Variants in HCFC2 observed in about 807,000 individuals in gnomAD.
HCFC2 encodes the protein host cell factor C2.
In HCFC2, 18 loss-of-function variants were observed where a neutral mutation model predicts 89.2. The observed-to-expected ratio is 0.20, with a 90% CI of 0.14 to 0.30. The LOEUF (loss-of-function observed/expected upper bound fraction) is 0.30. Among genes scored for constraint, HCFC2 ranks in the 10% least tolerant of loss-of-function variants. The probability of loss-of-function intolerance (pLI) is 1.00; values close to 1 mark genes in which losing one functional copy is unlikely to be tolerated. For missense variants in HCFC2, 578 were observed against 956.1 expected (o/e 0.60, Z 5.21); for synonymous variants, 308 against 335.7 (o/e 0.92, Z 0.90).
chr12:104,081,322 A>C (rs1883676864), intron 5 of HCFC2, among the ~76,000 whole-genome samples: 1 of 152,202 alleles, frequency 6.6e-6, no homozygotes, highest in South Asian at 2.1e-4. Context: ...ACTTTCCTTA[A>C]GTATACAATG....
In HCFC2 at chr12:104,064,969, G is replaced by A. The variant is rs750015334; in HGVS notation, c.163+246G>A. 3 of 384,942 alleles carry A rather than the reference G, an allele frequency of 7.8e-6. No homozygotes were observed. Among genetic ancestry groups the A allele is most frequent in the Non-Finnish European group, 9.2e-6 (2 of 218,486 alleles). The allele number at this position is 384,942 out of a possible 1,614,324, so 23.8% of individuals were successfully genotyped here. A position where few individuals can be genotyped will look rare whatever the true frequency, so the allele number is the denominator to read the frequency against. On this transcript the variant is annotated intron_variant, in intron 1 of 14. Coordinates refer to ENST00000229330, the MANE Select transcript of HCFC2 (RefSeq NM_013320.3). The surrounding 1 kb of genome is among the most constrained non-coding windows in gnomAD (Gnocchi z 7.3). ...CGGGGCGCACCGGCCTTCAGGCGGGGGATCCCGGACGCCCCCACCCCAGCC... is the reference window on the plus strand; with the variant it reads ...CGGGGCGCACCGGCCTTCAGGCGGGAGATCCCGGACGCCCCCACCCCAGCC...
intron 9 of HCFC2, among the ~76,000 whole-genome samples, chr12:104,089,879 T>C (rs940706468): frequency 6.6e-6 from 1 of 152,204 alleles, no homozygotes; most frequent in Non-Finnish European, 1.5e-5. Flanking sequence ...TTCTAAAAAA[T>C]TATAAAACTT....
At chr12:104,066,626 A>G (rs554138221) in intron 2 of HCFC2, among the ~76,000 whole-genome samples, 216 of 152,302 alleles carry the variant, frequency 1.4e-3, no homozygotes, top group African/African-American at 4.9e-3. Context: ...CATGTTATAT[A>G]TTTAGGTTTT....
At position 104,103,723 on chromosome 12, in the gene HCFC2, C is replaced by T. The variant is rs1185893784; in HGVS notation, c.*450C>T. 6.5e-6 allele frequency: 1 copy of T among 154,116 alleles called. No individual in the cohort carries two copies. The highest frequency in any genetic ancestry group is 2.4e-5 in the African/African-American group (1 of 41,434). 9.5% of individuals were successfully genotyped at this position (154,116 alleles called of 1,614,324 possible). A position where few individuals can be genotyped will look rare whatever the true frequency, so the allele number is the denominator to read the frequency against. ...TCTTTATTCTATATGAGCAGTGTTC[C>T]TCTAACAACTGTCTTCTATTGGATA... is the stretch of plus-strand genomic sequence containing the variant. On this transcript the variant is annotated 3_prime_UTR_variant, in exon 15 of 15. Transcript: ENST00000229330.
intron 2 of HCFC2, among the ~76,000 whole-genome samples, chr12:104,066,516 T>C (rs1207721584): frequency 6.6e-6 from 1 of 152,262 alleles, no homozygotes; most frequent in Non-Finnish European, 1.5e-5. Context: ...AGAAAATGTT[T>C]CCACTTCACT....
chr12:104,068,060 T>A lies in HCFC2; in HGVS notation c.426T>A (p.Phe142Leu). Residue 142 changes from phenylalanine to leucine, a missense_variant, in exon 3 of 15, where the codon TTT (phenylalanine) becomes TTA (leucine). Phe to Leu is a conservative substitution (Grantham distance 22, BLOSUM62 0). Transcript: ENST00000229330. The surrounding 1 kb of genome is among the most constrained non-coding windows in gnomAD (Gnocchi z 4.1). ...TATATGGTAACAAATGCTATTTGTTTGGTGGCCTGGCAAACGAAAGCGAAG... is the reference window on the plus strand; with the variant it reads ...TATATGGTAACAAATGCTATTTGTTAGGTGGCCTGGCAAACGAAAGCGAAG... The part of the protein sequence containing the change: ...FSLYGNKCYL[F>L]GGLANESEDS... 6.2e-7 allele frequency: 1 copy of A among 1,601,290 alleles called. No individual in the cohort carries two copies. Among genetic ancestry groups the A allele is most frequent in the Non-Finnish European group, 8.5e-7 (1 of 1,175,098 alleles).
In HCFC2 at chr12:104,082,494, G is replaced by T; in HGVS notation, c.768-6G>T. 1 of 1,551,686 alleles carries T rather than the reference G, an allele frequency of 6.4e-7. No individual in the cohort carries two copies. The stretch of plus-strand genomic sequence containing the variant: ...TACTTTATGTTTTTGTTTTGTTGTT[G>T]CTCAGGATGTACATTTTTGGTGGAT... On this transcript the variant is annotated splice_polypyrimidine_tract_variant and splice_region_variant and intron_variant, in intron 5 of 14. Coordinates refer to ENST00000229330, the MANE Select transcript of HCFC2 (RefSeq NM_013320.3).
chr12:104,069,248 G>T (rs1456404174), intron 3 of HCFC2, among the ~76,000 whole-genome samples: 1 of 152,200 alleles, frequency 6.6e-6, no homozygotes, highest in African/African-American at 2.4e-5. Flanking sequence ...GGAGGTTGCA[G>T]TGAGCCGAGA....
At chr12:104,066,747 A>G (rs1398338039) in intron 2 of HCFC2, among the ~76,000 whole-genome samples, 2 of 152,234 alleles carry the variant, frequency 1.3e-5, no homozygotes, top group East Asian at 3.8e-4. Context: ...GAGGAAGGCC[A>G]TGAGCATTTG....
chr12:104,089,087 G>C (rs537283096), intron 9 of HCFC2, among the ~76,000 whole-genome samples: 2 of 152,170 alleles, frequency 1.3e-5, no homozygotes, highest in Non-Finnish European at 2.9e-5. Context: ...AGTTGGCCCT[G>C]TGGAACCTGC....
At chr12:104,096,147 G>A (rs1222926044) in intron 11 of HCFC2, among the ~76,000 whole-genome samples, 1 of 152,054 alleles carries the variant, frequency 6.6e-6, no homozygotes, top group African/African-American at 2.4e-5. Context: ...GAATTGTTTT[G>A]AGTTAAAGGG....
At chr12:104,078,250 C>G (rs1883573418) in intron 3 of HCFC2, among the ~76,000 whole-genome samples, 1 of 152,230 alleles carries the variant, frequency 6.6e-6, no homozygotes, top group Non-Finnish European at 1.5e-5. Context: ...TTCCGCCCGC[C>G]TCAGCCTCCC....
intron 13 of HCFC2, 41 bp downstream of exon 13, chr12:104,098,521 T>G: frequency 1.3e-6 from 2 of 1,522,542 alleles, no homozygotes; most frequent in Non-Finnish European, 1.8e-6. Context: ...ATTATAAGCC[T>G]CAAGGATGAG....
chr12:104,070,890 C>T (rs1257453621), intron 3 of HCFC2, among the ~76,000 whole-genome samples: 1 of 151,240 alleles, frequency 6.6e-6, no homozygotes, highest in Non-Finnish European at 1.5e-5. Flanking sequence ...CTGCAAGCTC[C>T]GCCTCCCGGG....
At chr12:104,066,874 G>A (rs1160439612) in intron 2 of HCFC2, among the ~76,000 whole-genome samples, 1 of 152,156 alleles carries the variant, frequency 6.6e-6, no homozygotes, top group African/African-American at 2.4e-5. Flanking sequence ...TGCAACCTCC[G>A]TCTCCTGGGT....
chr12:104,085,018 C>T (rs1469454815), intron 7 of HCFC2, among the ~76,000 whole-genome samples: 3 of 152,032 alleles, frequency 2.0e-5, no homozygotes, highest in Non-Finnish European at 2.9e-5. Context: ...ATAGATGAAT[C>T]TAGAGGCCAT....
chr12:104,073,922 T>G (rs1883418404), intron 3 of HCFC2, among the ~76,000 whole-genome samples: 1 of 152,236 alleles, frequency 6.6e-6, no homozygotes, highest in Non-Finnish European at 1.5e-5. Flanking sequence ...TTTGTGTTGC[T>G]GTTGGTAGCT....
At position 104,103,768 on chromosome 12, in the gene HCFC2, A is replaced by C. The variant is rs2030016200; in HGVS notation, c.*495A>C. 6.6e-6 allele frequency: 1 copy of C among 152,348 alleles called. No homozygotes were observed. Among genetic ancestry groups the C allele is most frequent in the African/African-American group, 2.4e-5 (1 of 41,438 alleles). The allele number at this position is 152,348 out of a possible 1,614,324, so 9.4% of individuals were successfully genotyped here. On this transcript the variant is annotated 3_prime_UTR_variant, in exon 15 of 15. Coordinates refer to ENST00000229330, the MANE Select transcript of HCFC2 (RefSeq NM_013320.3). The stretch of plus-strand genomic sequence containing the variant: ...TGGATAATATGTGTGATACTATAAT[A>C]ATTCTAATAGTTATTTGATTCCTTT...
At chr12:104,087,775 T>A (rs987977500) in intron 8 of HCFC2, among the ~76,000 whole-genome samples, 1 of 152,130 alleles carries the variant, frequency 6.6e-6, no homozygotes, top group Admixed American at 6.5e-5. Flanking sequence ...TATTTTTAAC[T>A]AAATAGGCCT....
Sources: allele counts gnomAD v4.1 joint callset (sites outside exome capture counted in the v4.1 genomes callset), GRCh38; gene constraint gnomAD v4.1.1; non-coding constraint Gnocchi (gnomAD v3.1); transcripts MANE v1.5; gene names NCBI Gene and HGNC (gene_info 2026-07-23, HGNC 2026-07-21).